GALNT8: variants seen among roughly 807,000 people sequenced by gnomAD.
GALNT8 encodes polypeptide N-acetylgalactosaminyltransferase 8.
A neutral mutation model predicts 62.7 loss-of-function variants in GALNT8; 66 were observed. The observed-to-expected ratio is 1.05, with a 90% CI of 0.86 to 1.29. GALNT8 has a LOEUF of 1.29. Among genes scored for constraint, GALNT8 ranks in the 50% most tolerant of loss-of-function variants. The pLI, the probability that GALNT8 is intolerant of heterozygous loss-of-function variation, is 0.00. For missense variants in GALNT8, 771 were observed against 791.8 expected, an observed-to-expected ratio of 0.97 and a Z score of 0.32; for synonymous variants, 288 against 294.3, an observed-to-expected ratio of 0.98 and a Z score of 0.22.
At chr12:4,764,100 C>T in intron 9 of GALNT8, 53 bp downstream of exon 9, 2 of 964,406 alleles carry the variant, frequency 2.1e-6, no homozygotes, top group Non-Finnish European at 3.4e-6. Context: ...CGTGGCTCAG[C>T]CCCTGGTAAC....
chr12:4,726,414 T>C lies in GALNT8; in HGVS notation c.212-118T>C. The stretch of plus-strand genomic sequence containing the variant: ...CTACATCCTCTGTGACAAGAGCTTA[T>C]AAGTTTTAAGATGTAGTGGGTAAAC... On this transcript the variant is annotated intron_variant, in intron 1 of 10. Transcript: ENST00000252318. The surrounding 1 kb of genome is among the most constrained non-coding windows in gnomAD (Gnocchi z 4.1). 1.4e-6 allele frequency: 1 copy of C among 695,584 alleles called. No individual in the cohort carries two copies. The highest frequency in any genetic ancestry group is 1.9e-5 in the South Asian group (1 of 52,128). 43.1% of individuals were successfully genotyped at this position (695,584 alleles called of 1,614,324 possible).
chr12:4,766,772 T>A (rs1946401941), intron 10 of GALNT8, among the ~76,000 whole-genome samples: 1 of 152,052 alleles, frequency 6.6e-6, no homozygotes, highest in Non-Finnish European at 1.5e-5. Flanking sequence ...GGTACTATGC[T>A]TGGTTCAGGT....
Position 4,726,720 on chromosome 12 carries a change from G to C in GALNT8, c.400G>C (p.Glu134Gln). Residue 134 changes from glutamate to glutamine, a missense_variant, in exon 2 of 11, where the codon GAG becomes CAG. By Grantham distance (29) the Glu-to-Gln change is conservative (BLOSUM62 2). Coordinates refer to ENST00000252318, the MANE Select transcript of GALNT8 (RefSeq NM_017417.2). This position sits in a 1 kb window ranked among gnomAD's most constrained non-coding sequence, Gnocchi z 4.1. ...CAGGCAATGGGGCGAGGATCTTTCT[G>C]AGGCCCAGCAGAAGGCGGCCCAGGA... ...LFRQWGEDLS[E>Q]AQQKAAQDLF... The C allele has an allele frequency of 6.2e-7, 1 of 1,614,074 alleles. No homozygotes were observed. Among genetic ancestry groups the C allele is most frequent in the Non-Finnish European group, 8.5e-7 (1 of 1,179,980 alleles).
At chr12:4,761,529 T>C (rs746361332) in intron 7 of GALNT8, among the ~76,000 whole-genome samples, 1 of 152,178 alleles carries the variant, frequency 6.6e-6, no homozygotes, top group Non-Finnish European at 1.5e-5. Flanking sequence ...ATGAGAGATA[T>C]AAACATAGCA....
chr12:4,766,316 C>G (rs917874200), intron 10 of GALNT8, among the ~76,000 whole-genome samples: 1 of 152,156 alleles, frequency 6.6e-6, no homozygotes. Flanking sequence ...CTTACCCTCT[C>G]TGAAGCTCAG....
Position 4,739,305 on chromosome 12 carries a change from T to G in GALNT8, c.652T>G (p.Leu218Val). ...TPSRLLKEII[L>V]VDDFSSNGEL... ...CTCTCGATTGTTGAAGGAAATCATC[T>G]TGGTGGATGATTTCAGCTCAAATGG... is the stretch of plus-strand genomic sequence containing the variant. Residue 218 changes from leucine to valine, a missense_variant, in exon 3 of 11, where the codon TTG becomes GTG. Leu to Val is a conservative substitution (Grantham distance 32). Transcript: ENST00000252318. 3.1e-6 allele frequency: 5 copies of G among 1,612,976 alleles called. No homozygotes were observed. Among genetic ancestry groups the G allele is most frequent in the Non-Finnish European group, 4.2e-6 (5 of 1,179,244 alleles).
At chr12:4,738,198 G>T (rs965729666) in intron 2 of GALNT8, among the ~76,000 whole-genome samples, 2 of 152,168 alleles carry the variant, frequency 1.3e-5, no homozygotes, top group Admixed American at 6.5e-5. Context: ...CAACAAATGG[G>T]TGCTGAGACA....
At chr12:4,753,620 T>C (rs1428982093) in intron 6 of GALNT8, among the ~76,000 whole-genome samples, 1 of 152,218 alleles carries the variant, frequency 6.6e-6, no homozygotes, top group Non-Finnish European at 1.5e-5. Flanking sequence ...AAAACAGCTA[T>C]TTTGAATTTT....
intron 10 of GALNT8, among the ~76,000 whole-genome samples, chr12:4,767,755 G>A (rs897085563): frequency 2.6e-5 from 4 of 152,084 alleles, no homozygotes; most frequent in Admixed American, 2.0e-4. Flanking sequence ...TTTTTTGTTC[G>A]TGTGAAGAAA....
chr12:4,722,787 G>A (rs1435625496), intron 1 of GALNT8, among the ~76,000 whole-genome samples: 1 of 152,112 alleles, frequency 6.6e-6, no homozygotes, highest in Non-Finnish European at 1.5e-5. Context: ...CATTGTCAGG[G>A]TTCAGGGTGA....
chr12:4,739,445 TA>T (rs969638119), intron 3 of GALNT8, 116 bp downstream of exon 3: 4 of 710,324 alleles, frequency 5.6e-6, no homozygotes, highest in African/African-American at 1.8e-5. Context: ...GTAGGGAAAA[TA>T]AAAAGATCAT....
chr12:4,723,456 T>C (rs1946180178), intron 1 of GALNT8, among the ~76,000 whole-genome samples: 3 of 152,170 alleles, frequency 2.0e-5, no homozygotes, highest in Admixed American at 2.0e-4. Context: ...ACACCAGGAC[T>C]GTCTCACCCA....
At position 4,772,639 on chromosome 12, in the gene GALNT8, T is replaced by G; in HGVS notation, c.*42T>G. The G allele has an allele frequency of 6.8e-7, 1 of 1,479,642 alleles. No homozygotes were observed. The highest frequency in any genetic ancestry group is 9.4e-7 in the Non-Finnish European group (1 of 1,060,728). 91.7% of individuals were successfully genotyped at this position (1,479,642 alleles called of 1,614,324 possible). ...GATCTGGGTCATCAATTCTTGCAAG[T>G]GGAATGGCTTCTACTCCTAACACTC... On this transcript the variant is annotated 3_prime_UTR_variant, in exon 11 of 11. Transcript: ENST00000252318.
At chr12:4,757,128 A>G (rs1187688634) in intron 6 of GALNT8, among the ~76,000 whole-genome samples, 1 of 151,910 alleles carries the variant, frequency 6.6e-6, no homozygotes, top group African/African-American at 2.4e-5. Flanking sequence ...CATGATTGTA[A>G]TTTTCCTGAG....
intron 1 of GALNT8, among the ~76,000 whole-genome samples, chr12:4,722,220 G>C (rs1452656552): frequency 6.6e-6 from 1 of 152,202 alleles, no homozygotes; most frequent in Non-Finnish European, 1.5e-5. Context: ...GGTAGGGGCT[G>C]TTGAAGAGAG....
intron 10 of GALNT8, among the ~76,000 whole-genome samples, chr12:4,766,536 G>A (rs1183788263): frequency 6.6e-6 from 1 of 152,168 alleles, no homozygotes; most frequent in Non-Finnish European, 1.5e-5. Context: ...TAATGTAGAA[G>A]CTCTGCCTTT....
intron 7 of GALNT8, 81 bp downstream of exon 7, chr12:4,761,224 A>G: frequency 1.7e-6 from 2 of 1,201,196 alleles, no homozygotes; most frequent in East Asian, 4.7e-5. Context: ...GGATAAAGCA[A>G]AAGTGCCATC....
intron 1 of GALNT8, among the ~76,000 whole-genome samples, chr12:4,722,241 C>G (rs1946174301): frequency 6.6e-6 from 1 of 152,204 alleles, no homozygotes; most frequent in South Asian, 2.1e-4. Flanking sequence ...GTGGCAATCT[C>G]TGGGGCAAGG....
intron 10 of GALNT8, among the ~76,000 whole-genome samples, chr12:4,770,858 A>G (rs1457107525): frequency 6.6e-6 from 1 of 152,198 alleles, no homozygotes; most frequent in East Asian, 1.9e-4. Flanking sequence ...TCCTTCTAAT[A>G]TCGTGACATT....
Sources: gnomAD v4.1 joint callset for allele counts (sites outside exome capture counted in the v4.1 genomes callset) on GRCh38, gnomAD v4.1.1 for gene constraint, Gnocchi (gnomAD v3.1) non-coding constraint, MANE v1.5 for transcripts, NCBI Gene and HGNC (gene_info 2026-07-23, HGNC 2026-07-21) for gene names.